MACROD2: variants seen among roughly 807,000 people sequenced by gnomAD.
MACROD2 encodes the protein ADP-ribose glycohydrolase MACROD2.
MACROD2 carries 36 observed loss-of-function variants against 70.4 expected under a neutral mutation model. That is an observed-to-expected ratio of 0.51 (90% CI 0.39 to 0.68). The LOEUF (loss-of-function observed/expected upper bound fraction) is 0.68. MACROD2 is among the 30% of genes least tolerant of loss of function. The pLI is 0.00. For missense variants in MACROD2, 496 were observed against 538.4 expected (o/e 0.92, Z 0.78); for synonymous variants, 172 against 178.8 (o/e 0.96, Z 0.30).
At chr20:15,487,981 AG>A (rs2047183287) in intron 7 of MACROD2, among the ~76,000 whole-genome samples, 1 of 152,144 alleles carries the variant, frequency 6.6e-6, no homozygotes, top group African/African-American at 2.4e-5. Context: ...AGAGCATAAA[AG>A]CTCCATGAGA....
intron 5 of MACROD2, among the ~76,000 whole-genome samples, chr20:14,790,992 A>C (rs755784620): frequency 9.2e-5 from 14 of 152,102 alleles, no homozygotes; most frequent in Non-Finnish European, 1.9e-4. Context: ...ACGTGTTCTC[A>C]GCTGCAGGTT....
At chr20:14,763,679 T>G (rs2072046649) in intron 5 of MACROD2, among the ~76,000 whole-genome samples, 1 of 151,980 alleles carries the variant, frequency 6.6e-6, no homozygotes, top group African/African-American at 2.4e-5. Flanking sequence ...GCCAGAGTGA[T>G]TCAAATTCAT....
chr20:15,339,567 C>G (rs567902958), intron 6 of MACROD2, among the ~76,000 whole-genome samples: 6 of 151,816 alleles, frequency 4.0e-5, no homozygotes, highest in African/African-American at 1.2e-4. Flanking sequence ...AAATATTTCT[C>G]TAGTAACTTA....
intron 3 of MACROD2, among the ~76,000 whole-genome samples, chr20:14,431,324 C>T (rs989920726): frequency 6.6e-6 from 1 of 152,034 alleles, no homozygotes; most frequent in African/African-American, 2.4e-5. Flanking sequence ...ACCCTATACT[C>T]TCTGATGTCA....
chr20:14,731,948 A>T (rs2071603749), intron 5 of MACROD2, among the ~76,000 whole-genome samples: 1 of 152,138 alleles, frequency 6.6e-6, no homozygotes, highest in South Asian at 2.1e-4. Flanking sequence ...ATGTTAATTT[A>T]TATTCATCTG....
chr20:14,324,773 T>A (rs750734738), intron 3 of MACROD2: 7 of 152,164 alleles, frequency 4.6e-5, no homozygotes, highest in Non-Finnish European at 8.8e-5. Flanking sequence ...GTTTCCATGT[T>A]TTCCTAAGTA....
chr20:15,455,454 G>C (rs1433019556), intron 7 of MACROD2, among the ~76,000 whole-genome samples: 1 of 152,260 alleles, frequency 6.6e-6, no homozygotes, highest in Non-Finnish European at 1.5e-5. Flanking sequence ...GAGCAACCCA[G>C]AACATTCAAC....
At chr20:14,953,785 C>T (rs1429595520) in intron 5 of MACROD2, among the ~76,000 whole-genome samples, 3 of 152,154 alleles carry the variant, frequency 2.0e-5, no homozygotes, top group African/African-American at 7.2e-5. Flanking sequence ...TCTGGTTTTA[C>T]AAATTGCAAA....
intron 5 of MACROD2, among the ~76,000 whole-genome samples, chr20:15,214,494 C>T (rs947289035): frequency 2.6e-5 from 4 of 152,226 alleles, no homozygotes; most frequent in Non-Finnish European, 1.5e-5. Flanking sequence ...TCAAGACCAG[C>T]ATGGTCATCA....
intron 3 of MACROD2, among the ~76,000 whole-genome samples, chr20:14,278,093 G>A (rs1344391512): frequency 6.6e-6 from 1 of 152,218 alleles, no homozygotes; most frequent in African/African-American, 2.4e-5. Context: ...ATCAGAATTA[G>A]TGTATAAGCA....
chr20:14,470,927 G>A (rs1323950063), intron 3 of MACROD2, among the ~76,000 whole-genome samples: 1 of 152,150 alleles, frequency 6.6e-6, no homozygotes, highest in African/African-American at 2.4e-5. Context: ...TTCCAGGGAA[G>A]TGAACAGTTC....
At chr20:15,490,502 C>G (rs999425174) in intron 7 of MACROD2, among the ~76,000 whole-genome samples, 1 of 152,066 alleles carries the variant, frequency 6.6e-6, no homozygotes, top group Non-Finnish European at 1.5e-5. Flanking sequence ...CTCAAGCAAT[C>G]CTCCTGCCAA....
chr20:15,843,857 A>G (rs2064200818), intron 8 of MACROD2, among the ~76,000 whole-genome samples: 1 of 152,166 alleles, frequency 6.6e-6, no homozygotes, highest in Admixed American at 6.6e-5. Flanking sequence ...CTGAATTTTT[A>G]TGACAAATCA....
chr20:15,017,540 A>T (rs900495069), intron 5 of MACROD2, among the ~76,000 whole-genome samples: 1 of 152,142 alleles, frequency 6.6e-6, no homozygotes. Flanking sequence ...TCACAGCTCC[A>T]CTAGGCGGTA....
chr20:15,696,587 C>T (rs143501571), intron 8 of MACROD2, among the ~76,000 whole-genome samples: 6,652 of 150,658 alleles, frequency 0.044, 288 homozygotes, highest in East Asian at 0.21. Flanking sequence ...TTCCTTCTTT[C>T]TCTATCTTGT....
intron 5 of MACROD2, among the ~76,000 whole-genome samples, chr20:15,216,518 C>T (rs1004677477): frequency 2.0e-4 from 31 of 152,120 alleles, no homozygotes; most frequent in African/African-American, 7.0e-4. Flanking sequence ...CTTCAACATT[C>T]GGAGAGAAAA....
intron 3 of MACROD2, among the ~76,000 whole-genome samples, chr20:14,304,173 T>C (rs1464286874): frequency 6.6e-6 from 1 of 152,188 alleles, no homozygotes; most frequent in African/African-American, 2.4e-5. Context: ...TCTAATAGAA[T>C]TGATGTCTAG....
chr20:15,205,387 A>ATTT lies in MACROD2; in HGVS notation c.419-24544_419-24542dup, dbSNP rs73615569. Among the ~76,000 whole-genome samples the ATTT allele has an allele frequency of 1.1e-4, 17 of 148,258 alleles. No individual in the cohort carries two copies. The East Asian group carries it at 1.2e-3, about 10-fold the overall frequency. On this transcript the variant is annotated intron_variant, in intron 5 of 17. Transcript: ENST00000684519. ...ACTAAATCACACTTCAGGGGCTTCT[A>ATTT]TTTTTTTTTTTAGGATAATATGGTC... is the stretch of plus-strand genomic sequence containing the variant.
At chr20:14,264,137 T>A (rs1359104011) in intron 3 of MACROD2, among the ~76,000 whole-genome samples, 1 of 148,106 alleles carries the variant, frequency 6.8e-6, no homozygotes, top group East Asian at 2.0e-4. Context: ...CAATGCAATT[T>A]GGCTGATGAT....
Sources: allele counts gnomAD v4.1 joint callset (sites outside exome capture counted in the v4.1 genomes callset), GRCh38; gene constraint gnomAD v4.1.1; transcripts MANE v1.5; gene names NCBI Gene and HGNC (gene_info 2026-07-23, HGNC 2026-07-21).